Variants in DOCK3 observed in about 807,000 individuals in gnomAD.
The protein encoded by DOCK3 is dedicator of cytokinesis 3, also known as dedicator of cytokinesis protein 3.
DOCK3 carries 60 observed loss-of-function variants against 265.6 expected under a neutral mutation model. That is an observed-to-expected ratio of 0.23 (90% CI 0.18 to 0.28). The LOEUF (loss-of-function observed/expected upper bound fraction) is 0.28. Among genes scored for constraint, DOCK3 ranks in the 10% least tolerant of loss-of-function variants. DOCK3 has a pLI of 1.00. For missense variants in DOCK3, 1,981 were observed against 2,594.3 expected (o/e 0.76, Z 5.14); for synonymous variants, 881 against 938.0 (o/e 0.94, Z 1.11).
chr3:51,039,084 C>T (rs1340768189), intron 5 of DOCK3, among the ~76,000 whole-genome samples: 2 of 152,046 alleles, frequency 1.3e-5, no homozygotes, highest in Non-Finnish European at 2.9e-5. Flanking sequence ...CAACCTCTGC[C>T]TCCTGGGTTC....
chr3:50,743,695 C>CCTTAGTGA (rs1283536332), intron 1 of DOCK3, among the ~76,000 whole-genome samples: 1 of 152,148 alleles, frequency 6.6e-6, no homozygotes, highest in African/African-American at 2.4e-5. Flanking sequence ...TAAAGCAAGT[C>CCTTAGTGA]CTTAGTGACC....
At chr3:50,679,875 A>G (rs1461933180) in intron 1 of DOCK3, among the ~76,000 whole-genome samples, 2 of 152,212 alleles carry the variant, frequency 1.3e-5, no homozygotes, top group African/African-American at 2.4e-5. Context: ...TTTAGTGTTT[A>G]TGGGGAACTT....
At chr3:50,800,000 G>A (rs1014800762) in intron 2 of DOCK3, among the ~76,000 whole-genome samples, 4 of 152,130 alleles carry the variant, frequency 2.6e-5, no homozygotes, top group Non-Finnish European at 4.4e-5. Context: ...TATGATGTTT[G>A]TTTATTTGCA....
At chr3:50,796,003 T>C (rs2042750523) in intron 2 of DOCK3, among the ~76,000 whole-genome samples, 1 of 152,162 alleles carries the variant, frequency 6.6e-6, no homozygotes, top group South Asian at 2.1e-4. Flanking sequence ...TTTAGCCATC[T>C]GAGCGCCATT....
intron 10 of DOCK3, among the ~76,000 whole-genome samples, chr3:51,151,364 A>G (rs1292775690): frequency 2.0e-5 from 3 of 152,172 alleles, no homozygotes; most frequent in Admixed American, 2.0e-4. Flanking sequence ...GTTAAAAGGA[A>G]AACTAACAAA....
intron 3 of DOCK3, among the ~76,000 whole-genome samples, chr3:50,855,609 C>T (rs1159650868): frequency 2.6e-5 from 4 of 152,084 alleles, no homozygotes; most frequent in Non-Finnish European, 5.9e-5. Flanking sequence ...AGTAAGTGAA[C>T]AGATAATTTG....
chr3:50,833,150 C>A (rs2045293055), intron 2 of DOCK3, among the ~76,000 whole-genome samples: 2 of 152,114 alleles, frequency 1.3e-5, no homozygotes, highest in Admixed American at 1.3e-4. Flanking sequence ...CAGAGTTTTG[C>A]ATTACTCATC....
chr3:51,161,675 C>G (rs1270726830), intron 12 of DOCK3, among the ~76,000 whole-genome samples: 1 of 152,158 alleles, frequency 6.6e-6, no homozygotes, highest in Non-Finnish European at 1.5e-5. Flanking sequence ...ATATGCTTCT[C>G]ATGTGTCTTG....
chr3:50,873,148 C>G (rs754257496), intron 3 of DOCK3, among the ~76,000 whole-genome samples: 2 of 152,148 alleles, frequency 1.3e-5, no homozygotes, highest in South Asian at 2.1e-4. Flanking sequence ...CTGAGTTTCC[C>G]CCGAAGCCAG....
chr3:50,895,982 C>T (rs4688717), intron 4 of DOCK3, among the ~76,000 whole-genome samples: 9,272 of 152,108 alleles, frequency 0.061, 1,007 homozygotes, highest in African/African-American at 0.21. Context: ...AATAAACATA[C>T]GCATGCATGT....
At chr3:50,921,080 G>C (rs1322143731) in intron 4 of DOCK3, among the ~76,000 whole-genome samples, 1 of 152,172 alleles carries the variant, frequency 6.6e-6, no homozygotes, top group Non-Finnish European at 1.5e-5. Context: ...TCTTAATCTT[G>C]AGTTCTAGTT....
At chr3:50,827,637 G>A (rs1248231661) in intron 2 of DOCK3, among the ~76,000 whole-genome samples, 1 of 150,796 alleles carries the variant, frequency 6.6e-6, no homozygotes, top group Non-Finnish European at 1.5e-5. Context: ...TTGTGGTTTT[G>A]CCATTGGAAG....
At chr3:50,866,945 G>A (rs1343909164) in intron 3 of DOCK3, among the ~76,000 whole-genome samples, 1 of 152,018 alleles carries the variant, frequency 6.6e-6, no homozygotes, top group Non-Finnish European at 1.5e-5. Context: ...ATATATTTTA[G>A]GATTGTTTTT....
chr3:51,159,617 C>T (rs1477762058), intron 11 of DOCK3, among the ~76,000 whole-genome samples: 1 of 152,048 alleles, frequency 6.6e-6, no homozygotes, highest in Non-Finnish European at 1.5e-5. Flanking sequence ...AGTGCCCTAC[C>T]CTTTCCCTCA....
intron 3 of DOCK3, among the ~76,000 whole-genome samples, chr3:50,847,771 T>C (rs944731508): frequency 1.3e-5 from 2 of 150,604 alleles, no homozygotes; most frequent in African/African-American, 4.9e-5. Flanking sequence ...GTAGTCCCAA[T>C]TACTCAGGAG....
At chr3:51,340,275 G>A (rs2085154788) in intron 37 of DOCK3, among the ~76,000 whole-genome samples, 1 of 152,174 alleles carries the variant, frequency 6.6e-6, no homozygotes, top group South Asian at 2.1e-4. Flanking sequence ...TATAGGCAAG[G>A]AAGAAAAAGA....
chr3:51,260,757 G>A (rs548482846), intron 23 of DOCK3, among the ~76,000 whole-genome samples: 75 of 152,204 alleles, frequency 4.9e-4, no homozygotes, highest in Admixed American at 3.1e-3. Flanking sequence ...CAAGGTGGGC[G>A]GATTGCTTGA....
intron 9 of DOCK3, among the ~76,000 whole-genome samples, chr3:51,127,349 A>G (rs1200585326): frequency 1.3e-5 from 2 of 152,170 alleles, no homozygotes; most frequent in Non-Finnish European, 2.9e-5. Context: ...ATTAACCATC[A>G]CAAGTCCACC....
chr3:51,183,683 A>G (rs1200845211), intron 12 of DOCK3, among the ~76,000 whole-genome samples: 1 of 152,198 alleles, frequency 6.6e-6, no homozygotes, highest in Non-Finnish European at 1.5e-5. Context: ...AAGTAAAAAT[A>G]AAGTTTCACA....
Sources: gnomAD v4.1 joint callset for allele counts (sites outside exome capture counted in the v4.1 genomes callset) on GRCh38, gnomAD v4.1.1 for gene constraint, MANE v1.5 for transcripts, NCBI Gene and HGNC (gene_info 2026-07-23, HGNC 2026-07-21) for gene names.